NDUFAF2: variants seen among roughly 807,000 people sequenced by gnomAD.
NDUFAF2 encodes NADH dehydrogenase [ubiquinone] 1 alpha subcomplex assembly factor 2.
NDUFAF2 carries 13 observed loss-of-function variants against 22.8 expected under a neutral mutation model. The ratio of observed to expected loss-of-function variants is 0.57; its 90% CI spans 0.37 to 0.91. The LOEUF is 0.91. Among genes scored for constraint, NDUFAF2 ranks in the 40% least tolerant of loss-of-function variants. The pLI is 0.01. For missense variants in NDUFAF2, 162 were observed against 195.2 expected, an observed-to-expected ratio of 0.83 and a Z score of 1.01; for synonymous variants, 53 against 64.2, an observed-to-expected ratio of 0.83 and a Z score of 0.84.
intron 3 of NDUFAF2, among the ~76,000 whole-genome samples, chr5:61,121,660 A>G (rs1045029957): frequency 3.3e-5 from 5 of 152,026 alleles, no homozygotes; most frequent in Non-Finnish European, 7.4e-5. Flanking sequence ...TATTTTTTTA[A>G]GTGAGATTAA....
intron 3 of NDUFAF2, among the ~76,000 whole-genome samples, chr5:61,149,976 T>C (rs256375): frequency 0.63 from 95,127 of 152,042 alleles, 30,587 homozygotes; most frequent in East Asian, 0.94. Context: ...GTCACCTAGG[T>C]TGGAGTGCCG....
chr5:61,014,806 C>A (rs561555745), intron 1 of NDUFAF2, among the ~76,000 whole-genome samples: 35 of 152,210 alleles, frequency 2.3e-4, no homozygotes, highest in African/African-American at 7.9e-4. Context: ...TTTGTTTTGG[C>A]ATAATTGTTA....
chr5:61,126,608 A>G (rs2045678), intron 3 of NDUFAF2, among the ~76,000 whole-genome samples: 7,043 of 152,184 alleles, frequency 0.046, 553 homozygotes, highest in African/African-American at 0.16. Flanking sequence ...ATTTAAATGT[A>G]ATAATTTTTA....
chr5:61,098,325 A>C (rs564821888), intron 2 of NDUFAF2, among the ~76,000 whole-genome samples: 1 of 152,198 alleles, frequency 6.6e-6, no homozygotes, highest in Non-Finnish European at 1.5e-5. Flanking sequence ...AGAATCTCAT[A>C]AGCACTATAC....
chr5:60,975,511 G>C (rs1372128925), intron 1 of NDUFAF2, among the ~76,000 whole-genome samples: 2 of 152,136 alleles, frequency 1.3e-5, no homozygotes, highest in East Asian at 3.9e-4. Context: ...ATTTAGGAGA[G>C]ACATCTGATT....
intron 1 of NDUFAF2, among the ~76,000 whole-genome samples, chr5:61,008,139 C>T (rs756897466): frequency 8.7e-6 from 1 of 114,838 alleles, no homozygotes; most frequent in African/African-American, 3.6e-5. Context: ...ACATCACACT[C>T]TGGGGACTGT....
intron 1 of NDUFAF2, among the ~76,000 whole-genome samples, chr5:60,989,975 AAAG>A (rs1470009288): frequency 6.6e-6 from 1 of 152,212 alleles, no homozygotes. Context: ...AAGCCATAAA[AAAG>A]AATGAGATCC....
chr5:61,121,811 T>G (rs1302004979), intron 3 of NDUFAF2, among the ~76,000 whole-genome samples: 1 of 151,048 alleles, frequency 6.6e-6, no homozygotes, highest in Non-Finnish European at 1.5e-5. Context: ...GTTTCTTTTC[T>G]TTTCTTTCCT....
At chr5:61,097,227 G>T (rs957519660) in intron 2 of NDUFAF2, among the ~76,000 whole-genome samples, 10 of 149,100 alleles carry the variant, frequency 6.7e-5, no homozygotes, top group Admixed American at 1.3e-4. Flanking sequence ...TTGCAGTGAG[G>T]TTATGTCCCA....
chr5:61,048,476 T>C (rs1751983134), intron 1 of NDUFAF2, among the ~76,000 whole-genome samples: 1 of 152,130 alleles, frequency 6.6e-6, no homozygotes, highest in Admixed American at 6.6e-5. Flanking sequence ...TTATAGGAAG[T>C]GAAGAATGAG....
chr5:61,003,253 C>A lies in NDUFAF2; in HGVS notation c.127+57871C>A, dbSNP rs1287515578. Among the ~76,000 whole-genome samples the A allele has an allele frequency of 3.9e-5, 6 of 152,188 alleles. No homozygotes were observed. In the East Asian group the frequency reaches 1.2e-3, roughly 29 times the overall value. The stretch of plus-strand genomic sequence containing the variant: ...GCTGATTTTTATTGATCGTTCCGTA[C>A]TTTAGAAAACTGGCTAAGAAGGCCT... On this transcript the variant is annotated intron_variant, in intron 1 of 3. Coordinates refer to ENST00000296597, the MANE Select transcript of NDUFAF2 (RefSeq NM_174889.5).
At chr5:61,003,001 A>G (rs968832493) in intron 1 of NDUFAF2, among the ~76,000 whole-genome samples, 6 of 152,096 alleles carry the variant, frequency 3.9e-5, no homozygotes, top group Non-Finnish European at 5.9e-5. Context: ...TCTTCTGTCT[A>G]GTAACTGTAG....
rs376833494 is a variant in NDUFAF2 at position 61,136,046 on chromosome 5, G to T, written c.259-16658G>T. 3.1e-3 allele frequency among the ~76,000 whole-genome samples: 238 copies of T among 77,230 alleles called. 1 individual carries two copies. The highest frequency in any genetic ancestry group is 8.3e-3 in the African/African-American group (142 of 17,086). 50.7% of individuals were successfully genotyped at this position (77,230 alleles called of 152,430 possible). A position where few individuals can be genotyped will look rare whatever the true frequency, so the allele number is the denominator to read the frequency against. On this transcript the variant is annotated intron_variant, in intron 3 of 3. Coordinates refer to ENST00000296597, the MANE Select transcript of NDUFAF2 (RefSeq NM_174889.5). ...ATATATATATATATATATATATCTA[G>T]GGTGGATTGCTTTTTTTCTCACCAG...
intron 1 of NDUFAF2, among the ~76,000 whole-genome samples, chr5:61,001,783 A>G (rs919247878): frequency 3.9e-5 from 6 of 152,146 alleles, no homozygotes; most frequent in African/African-American, 1.4e-4. Flanking sequence ...GGCATCATCC[A>G]CATCCCGTGA....
intron 1 of NDUFAF2, among the ~76,000 whole-genome samples, chr5:61,062,503 T>C (rs1237951919): frequency 6.6e-6 from 1 of 152,030 alleles, no homozygotes; most frequent in African/African-American, 2.4e-5. Flanking sequence ...TCTGTTGGAA[T>C]GACTCAGAGG....
At chr5:61,110,285 T>G (rs1387629901) in intron 3 of NDUFAF2, among the ~76,000 whole-genome samples, 1 of 152,014 alleles carries the variant, frequency 6.6e-6, no homozygotes, top group African/African-American at 2.4e-5. Flanking sequence ...TTCTTTTTTT[T>G]TTTAAATGTA....
rs1752459591 is a variant in NDUFAF2, at chr5:61,082,781, T to C, written c.217+9567T>C. On this transcript the variant is annotated intron_variant, in intron 2 of 3. Coordinates refer to ENST00000296597, the MANE Select transcript of NDUFAF2 (RefSeq NM_174889.5). Reference sequence around the variant, plus strand: ...TTATCCAGTCTACAATTGATGGGTATCTAAGTTGATTCCACTTTTTTGCTA... The same window carrying C: ...TTATCCAGTCTACAATTGATGGGTACCTAAGTTGATTCCACTTTTTTGCTA... 2.6e-5 allele frequency among the ~76,000 whole-genome samples: 4 copies of C among 152,348 alleles called. No individual in the cohort carries two copies. The South Asian group carries it at 8.3e-4, about 32-fold the overall frequency.
At chr5:60,993,999 C>G (rs1751194885) in intron 1 of NDUFAF2, among the ~76,000 whole-genome samples, 1 of 152,248 alleles carries the variant, frequency 6.6e-6, no homozygotes, top group African/African-American at 2.4e-5. Flanking sequence ...TCTGCCCAGG[C>G]TATTCATGCC....
At chr5:61,094,986 A>G (rs1752620235) in intron 2 of NDUFAF2, among the ~76,000 whole-genome samples, 2 of 152,232 alleles carry the variant, frequency 1.3e-5, no homozygotes. Context: ...CTATGCTTTC[A>G]TAGAGCAGCT....
Sources: allele counts gnomAD v4.1 joint callset (sites outside exome capture counted in the v4.1 genomes callset), GRCh38; gene constraint gnomAD v4.1.1; transcripts MANE v1.5; gene names NCBI Gene and HGNC (gene_info 2026-07-23, HGNC 2026-07-21).